The following CALN1 variants were observed in gnomAD, a reference collection of about 807,000 sequenced individuals.
CALN1 encodes calneuron 1.
In CALN1, 17 loss-of-function variants were observed where a neutral mutation model predicts 30.6. That is an observed-to-expected ratio of 0.56 (90% CI 0.38 to 0.83). The LOEUF is 0.83. CALN1 is among the 40% of genes least tolerant of loss of function. The pLI is 0.00. For missense variants in CALN1, 291 were observed against 354.9 expected, an observed-to-expected ratio of 0.82 and a Z score of 1.45; for synonymous variants, 156 against 131.4, an observed-to-expected ratio of 1.19 and a Z score of -1.28.
intron 5 of CALN1, among the ~76,000 whole-genome samples, chr7:71,859,549 T>C (rs1034974858): frequency 6.6e-6 from 1 of 152,230 alleles, no homozygotes; most frequent in African/African-American, 2.4e-5. Flanking sequence ...AGTTTGAGAC[T>C]GTAAGTGTGG....
chr7:72,000,946 G>C (rs1489998869), intron 5 of CALN1, among the ~76,000 whole-genome samples: 2 of 149,800 alleles, frequency 1.3e-5, no homozygotes, highest in Admixed American at 6.6e-5. Flanking sequence ...TAGTTGTTAA[G>C]TTGTCTCTCT....
the CALN1 span, among the ~76,000 whole-genome samples, chr7:72,487,769 A>AAGGG: frequency 2.0e-5 from 2 of 98,822 alleles, no homozygotes; most frequent in Non-Finnish European, 4.2e-5. Flanking sequence ...AAGGGTAAAG[A>AAGGG]AAGAAAGAAA....
chr7:71,887,863 G>T (rs1385561854), intron 5 of CALN1, among the ~76,000 whole-genome samples: 2 of 152,124 alleles, frequency 1.3e-5, no homozygotes, highest in Admixed American at 6.6e-5. Context: ...AGTGAATGCT[G>T]CTACCGAGAA....
intron 5 of CALN1, among the ~76,000 whole-genome samples, chr7:71,953,365 G>C (rs1346164947): frequency 6.6e-6 from 1 of 152,094 alleles, no homozygotes; most frequent in Non-Finnish European, 1.5e-5. Context: ...CACTATTTAA[G>C]TAGATGCGTA....
At chr7:71,872,488 AC>A (rs1381106993) in intron 5 of CALN1, among the ~76,000 whole-genome samples, 1 of 152,154 alleles carries the variant, frequency 6.6e-6, no homozygotes, top group Non-Finnish European at 1.5e-5. Context: ...GTCCTCAGAG[AC>A]GGTTAATGTC....
At chr7:71,821,069 CAGCCCAGT>C (rs2116318010) in intron 5 of CALN1, among the ~76,000 whole-genome samples, 1 of 152,250 alleles carries the variant, frequency 6.6e-6, no homozygotes, top group South Asian at 2.1e-4. Context: ...TCCTGAGGGA[CAGCCCAGT>C]AGAATAGCCT....
At position 72,301,482 on chromosome 7, in the gene CALN1, C is replaced by T. The variant is rs930712173; in HGVS notation, c.120-22672G>A. 7.9e-5 allele frequency among the ~76,000 whole-genome samples: 12 copies of T among 151,980 alleles called. No homozygotes were observed. The East Asian group carries it at 2.3e-3, about 30-fold the overall frequency. On this transcript the variant is annotated intron_variant, in intron 2 of 6. Transcript: ENST00000395275. ...AATTAGCCTGGCTTGGTGGCGCATG[C>T]CTGTAGTCCCAGCTACTCGGGAGGC...
intron 3 of CALN1, among the ~76,000 whole-genome samples, chr7:72,179,677 A>G (rs1314015110): frequency 2.0e-5 from 3 of 152,200 alleles, no homozygotes; most frequent in African/African-American, 4.8e-5. Context: ...GAATCGCCAT[A>G]TAACCATAAC....
At chr7:72,391,823 C>A (rs1285810136) in intron 2 of CALN1, among the ~76,000 whole-genome samples, 1 of 152,100 alleles carries the variant, frequency 6.6e-6, no homozygotes, top group Non-Finnish European at 1.5e-5. Context: ...GGTCCATGAA[C>A]CCTCTTTTGC....
At chr7:72,008,903 G>A (rs844734) in intron 5 of CALN1, among the ~76,000 whole-genome samples, 23,585 of 151,858 alleles carry the variant, frequency 0.16, 2,904 homozygotes, top group East Asian at 0.38. Flanking sequence ...TGATCCACCC[G>A]CCTCCGCCTC....
intron 5 of CALN1, among the ~76,000 whole-genome samples, chr7:71,904,406 G>A (rs1794019775): frequency 6.6e-6 from 1 of 152,204 alleles, no homozygotes; most frequent in Non-Finnish European, 1.5e-5. Context: ...AACATGGATG[G>A]AACTAGAGGA....
intron 1 of CALN1, among the ~76,000 whole-genome samples, chr7:72,411,588 T>A (rs1048125503): frequency 6.6e-6 from 1 of 152,196 alleles, no homozygotes; most frequent in Non-Finnish European, 1.5e-5. Context: ...ACTCAAATTG[T>A]AGTCTCAAAA....
At chr7:72,243,974 G>A (rs955220940) in intron 3 of CALN1, among the ~76,000 whole-genome samples, 4 of 152,080 alleles carry the variant, frequency 2.6e-5, no homozygotes, top group African/African-American at 7.2e-5. Flanking sequence ...CCGTACAATG[G>A]TCTTTCCAGG....
At chr7:72,199,537 T>G (rs531033802) in intron 3 of CALN1, among the ~76,000 whole-genome samples, 3 of 152,058 alleles carry the variant, frequency 2.0e-5, no homozygotes, top group Admixed American at 6.6e-5. Flanking sequence ...TTGGGCAACA[T>G]AGTGAGACCA....
chr7:72,386,450 TGGG>T (rs1805214514), intron 2 of CALN1, among the ~76,000 whole-genome samples: 1 of 152,186 alleles, frequency 6.6e-6, no homozygotes. Context: ...TTGTCTCCTA[TGGG>T]TAAATTGGTT....
chr7:72,204,019 T>G (rs1267867795), intron 3 of CALN1, among the ~76,000 whole-genome samples: 1 of 117,436 alleles, frequency 8.5e-6, no homozygotes, highest in African/African-American at 3.4e-5. Flanking sequence ...TGAGACAGAG[T>G]CTCACTCTGT....
chr7:72,403,085 G>A (rs1049200197), intron 2 of CALN1, among the ~76,000 whole-genome samples, 166 bp downstream of exon 2: 1 of 152,134 alleles, frequency 6.6e-6, no homozygotes, highest in Non-Finnish European at 1.5e-5. Flanking sequence ...AAAGGGGATA[G>A]AATCTCTGTA....
At chr7:71,844,023 G>A (rs1476473086) in intron 5 of CALN1, among the ~76,000 whole-genome samples, 1 of 151,976 alleles carries the variant, frequency 6.6e-6, no homozygotes, top group African/African-American at 2.4e-5. Flanking sequence ...TGCTGCACTG[G>A]GCATTCTGGC....
intron 4 of CALN1, among the ~76,000 whole-genome samples, chr7:72,032,051 GCTTT>G (rs1801481412): frequency 9.2e-6 from 1 of 108,338 alleles, no homozygotes; most frequent in Non-Finnish European, 1.8e-5. Context: ...CTGGCTCCTG[GCTTT>G]TTTTTTTTTT....
Sources: allele counts gnomAD v4.1 joint callset (sites outside exome capture counted in the v4.1 genomes callset), GRCh38; gene constraint gnomAD v4.1.1; transcripts MANE v1.5; gene names NCBI Gene and HGNC (gene_info 2026-07-23, HGNC 2026-07-21).